The following DOCK3 variants were observed in gnomAD, a reference collection of about 807,000 sequenced individuals.
DOCK3 encodes the protein dedicator of cytokinesis protein 3.
Under a neutral mutation model 265.6 loss-of-function variants are expected in DOCK3, and 60 were observed. The observed-to-expected ratio is 0.23, with a 90% CI of 0.18 to 0.28. The LOEUF (loss-of-function observed/expected upper bound fraction) is 0.28, where lower values mean the gene tolerates loss of function less well. Among genes scored for constraint, DOCK3 ranks in the 10% least tolerant of loss-of-function variants. The pLI, the probability that DOCK3 is intolerant of heterozygous loss-of-function variation, is 1.00. For missense variants in DOCK3, 1,981 were observed against 2,594.3 expected, an observed-to-expected ratio of 0.76 and a Z score of 5.14; for synonymous variants, 881 against 938.0, an observed-to-expected ratio of 0.94 and a Z score of 1.11.
chr3:51,237,866 A>G (rs576244842), intron 21 of DOCK3, among the ~76,000 whole-genome samples: 1 of 152,206 alleles, frequency 6.6e-6, no homozygotes, highest in African/African-American at 2.4e-5. Context: ...AAACTGAAAT[A>G]TTGTAATCAT....
intron 38 of DOCK3, among the ~76,000 whole-genome samples, chr3:51,346,324 G>A (rs2085569018): frequency 6.8e-6 from 1 of 147,616 alleles, no homozygotes. Context: ...GGTGTGTGAT[G>A]TTCCCCACCC....
intron 15 of DOCK3, 90 bp downstream of exon 15, chr3:51,225,863 A>G: frequency 2.1e-6 from 3 of 1,463,086 alleles, no homozygotes; most frequent in Non-Finnish European, 2.7e-6. Flanking sequence ...CTCTTCAAGC[A>G]GGATTAAAAT....
chr3:51,383,437 A>AGGGTTAG lies in DOCK3; in HGVS notation c.*1889_*1895dup, dbSNP rs2088786709. ...ACCATCTGGTGTTCACAGGTGTTAG[A>AGGGTTAG]GGGTTAGGGGTTAGGGGCTAGTTTT... On this transcript the variant is annotated 3_prime_UTR_variant, in exon 53 of 53. Transcript: ENST00000266037. The AGGGTTAG allele has an allele frequency of 6.6e-6, 1 of 152,394 alleles. No individual in the cohort carries two copies. The highest frequency in any genetic ancestry group is 2.4e-5 in the African/African-American group (1 of 41,410). The allele number at this position is 152,394 out of a possible 1,614,324, so 9.4% of individuals were successfully genotyped here. A position where few individuals can be genotyped will look rare whatever the true frequency, so the allele number is the denominator to read the frequency against.
Position 51,333,199 on chromosome 3 carries a change from G to C in DOCK3, c.3557G>C (p.Gly1186Ala), listed in dbSNP as rs2084643460. 2 of 1,613,640 alleles carry C rather than the reference G, an allele frequency of 1.2e-6. No individual in the cohort carries two copies. The highest frequency in any genetic ancestry group is 1.7e-5 in the Admixed American group (1 of 60,000). The part of the protein sequence containing the change: ...KVEQETWRET[G>A]ISFVTSVTRL... ...GAACAAGAAACATGGCGCGAGACCG[G>C]CATTTCCTTTGTGACCTCAGTCACC... Residue 1186 changes from glycine (G) to alanine (A), a missense_variant, in exon 35 of 53, where the codon GGC becomes GCC. Transcript: ENST00000266037.
intron 12 of DOCK3, among the ~76,000 whole-genome samples, chr3:51,190,004 G>A (rs2087847983): frequency 6.6e-6 from 1 of 152,144 alleles, no homozygotes; most frequent in South Asian, 2.1e-4. Flanking sequence ...ATCCTTCTCA[G>A]GACGCTTCAC....
intron 7 of DOCK3, among the ~76,000 whole-genome samples, chr3:51,081,904 A>AG (rs1249343620): frequency 6.6e-6 from 1 of 151,330 alleles, no homozygotes; most frequent in African/African-American, 2.4e-5. Flanking sequence ...TCAAAAAAAA[A>AG]AAAAAAAAAT....
intron 1 of DOCK3, among the ~76,000 whole-genome samples, chr3:50,757,310 T>C (rs1335868076): frequency 6.6e-6 from 1 of 151,914 alleles, no homozygotes; most frequent in Non-Finnish European, 1.5e-5. Flanking sequence ...TAGCTGGGAT[T>C]ACAGGCGCGC....
chr3:51,002,389 A>G (rs188062551), intron 5 of DOCK3, among the ~76,000 whole-genome samples: 11 of 152,192 alleles, frequency 7.2e-5, no homozygotes, highest in African/African-American at 1.7e-4. Context: ...CTCTTTGCCT[A>G]TAGTTTGTCT....
At chr3:51,258,306 A>G (rs567373921) in intron 22 of DOCK3, among the ~76,000 whole-genome samples, 11 of 152,160 alleles carry the variant, frequency 7.2e-5, no homozygotes, top group Non-Finnish European at 1.5e-4. Flanking sequence ...CTCAAAAAAA[A>G]CTCATTTATT....
At chr3:51,144,471 A>T (rs1402190047) in intron 9 of DOCK3, among the ~76,000 whole-genome samples, 3 of 152,018 alleles carry the variant, frequency 2.0e-5, no homozygotes, top group African/African-American at 4.8e-5. Context: ...ACCATCCTTC[A>T]TATTTTTCTT....
intron 19 of DOCK3, among the ~76,000 whole-genome samples, chr3:51,230,828 T>G (rs973948779): frequency 2.6e-5 from 4 of 152,132 alleles, no homozygotes; most frequent in African/African-American, 9.7e-5. Context: ...GTACCACATT[T>G]CCTTTATCCA....
intron 37 of DOCK3, 100 bp from the exon 38 acceptor site, chr3:51,341,137 T>A: frequency 1.4e-6 from 2 of 1,407,932 alleles, no homozygotes; most frequent in Non-Finnish European, 1.9e-6. Context: ...GCACATGACT[T>A]GCGCTGGCAT....
chr3:51,172,876 A>G (rs1053541634), intron 12 of DOCK3, among the ~76,000 whole-genome samples: 3 of 152,174 alleles, frequency 2.0e-5, no homozygotes, highest in Non-Finnish European at 4.4e-5. Context: ...TTTTGTTATG[A>G]CAATTTAAGT....
intron 2 of DOCK3, among the ~76,000 whole-genome samples, chr3:50,781,657 C>T (rs904748132): frequency 4.6e-5 from 7 of 151,926 alleles, no homozygotes; most frequent in Non-Finnish European, 7.4e-5. Context: ...TTCAGGGGTA[C>T]GTGTACACAT....
intron 1 of DOCK3, among the ~76,000 whole-genome samples, chr3:50,688,053 G>A (rs940448072): frequency 6.6e-6 from 1 of 152,096 alleles, no homozygotes; most frequent in Non-Finnish European, 1.5e-5. Context: ...TATAGTACTA[G>A]CCGAAAGAGG....
chr3:50,970,810 A>ATGAAC (rs1319564275), intron 5 of DOCK3, among the ~76,000 whole-genome samples: 1 of 137,868 alleles, frequency 7.3e-6, no homozygotes, highest in African/African-American at 2.7e-5. Context: ...CACTGCAGCC[A>ATGAAC]TGAACTCCTG....
chr3:50,834,641 AT>A (rs1242431909), intron 2 of DOCK3, among the ~76,000 whole-genome samples: 1 of 152,176 alleles, frequency 6.6e-6, no homozygotes, highest in African/African-American at 2.4e-5. Flanking sequence ...TTATAATTTG[AT>A]TTTGGAAAGT....
Position 51,374,649 on chromosome 3 carries a change from T to A in DOCK3, c.5412+62T>A. Reference sequence around the variant, plus strand: ...AGTGTGTTAGCCTGTGCTTCCCTCCTTGCATTTGCGGGGCCTTCTGCATTG... The same window carrying A: ...AGTGTGTTAGCCTGTGCTTCCCTCCATGCATTTGCGGGGCCTTCTGCATTG... On this transcript the variant is annotated intron_variant, in intron 50 of 52. Transcript: ENST00000266037. The surrounding 1 kb of genome is among the most constrained non-coding windows in gnomAD (Gnocchi z 4.8). 1 of 1,487,258 alleles carries A rather than the reference T, an allele frequency of 6.7e-7. No homozygotes were observed. The highest frequency in any genetic ancestry group is 1.7e-4 in the Middle Eastern group (1 of 5,832). 92.1% of individuals were successfully genotyped at this position (1,487,258 alleles called of 1,614,324 possible).
At chr3:50,901,807 G>C in intron 4 of DOCK3, 1 of 399,672 alleles carries the variant, frequency 2.5e-6, no homozygotes, top group Non-Finnish European at 5.0e-6. Flanking sequence ...TGCACCCACT[G>C]TCTAACCAGT....
Sources: allele counts gnomAD v4.1 joint callset (sites outside exome capture counted in the v4.1 genomes callset), GRCh38; gene constraint gnomAD v4.1.1; non-coding constraint Gnocchi (gnomAD v3.1); transcripts MANE v1.5; gene names NCBI Gene and HGNC (gene_info 2026-07-23, HGNC 2026-07-21).